HMCN1: variants seen among roughly 807,000 people sequenced by gnomAD.
HMCN1 encodes the protein hemicentin-1.
HMCN1 carries 321 observed loss-of-function variants against 625.9 expected under a neutral mutation model. The observed-to-expected ratio is 0.51, with a 90% CI of 0.47 to 0.56. HMCN1 has a LOEUF of 0.56. Among genes scored for constraint, HMCN1 ranks in the 20% least tolerant of loss-of-function variants. The pLI is 0.00. For missense variants in HMCN1, 6,588 were observed against 6,887.3 expected, an observed-to-expected ratio of 0.96 and a Z score of 1.54; for synonymous variants, 2,425 against 2,417.6, an observed-to-expected ratio of 1.00 and a Z score of -0.09.
chr1:185,770,049 G>C (rs1656133706), intron 1 of HMCN1, among the ~76,000 whole-genome samples: 1 of 152,044 alleles, frequency 6.6e-6, no homozygotes, highest in Admixed American at 6.6e-5. Context: ...CATTTCAGAG[G>C]GTATGCATAT....
intron 96 of HMCN1, 71 bp from the exon 97 acceptor site, chr1:186,153,679 T>G: frequency 8.1e-7 from 1 of 1,239,992 alleles, no homozygotes; most frequent in Non-Finnish European, 1.2e-6. Flanking sequence ...ATTCTGCATT[T>G]CATAGTCCCC....
chr1:185,801,345 C>T (rs1199270155), intron 1 of HMCN1, among the ~76,000 whole-genome samples: 1 of 152,146 alleles, frequency 6.6e-6, no homozygotes, highest in Non-Finnish European at 1.5e-5. Context: ...ATCCTTCTTC[C>T]ACTTATTTCA....
Position 185,865,852 on chromosome 1 carries a change from CA to C in HMCN1, c.612del (p.Val205LeufsTer5). On this transcript the variant is annotated frameshift_variant, in exon 4 of 107. Coordinates refer to ENST00000271588, the MANE Select transcript of HMCN1 (RefSeq NM_031935.3). LOFTEE classifies it high-confidence loss of function. ...SGQVFHLDKKQVNEVLKWVEE... is the reference protein window; with the variant it reads ...SGQVFHLDKKXVNEVLKWVEE... ...TCAAGTGTTCCATCTGGACAAAAAACAAGTTAATGAGGTCAGTTTAATAAAG... is the reference window on the plus strand; with the variant it reads ...TCAAGTGTTCCATCTGGACAAAAAACAGTTAATGAGGTCAGTTTAATAAAG... The C allele has an allele frequency of 1.9e-6, 3 of 1,613,078 alleles. No individual in the cohort carries two copies. Among genetic ancestry groups the C allele is most frequent in the Non-Finnish European group, 2.5e-6 (3 of 1,179,614 alleles).
chr1:186,076,545 C>A lies in HMCN1; in HGVS notation c.8408C>A (p.Ala2803Asp), dbSNP rs759376128. 6.2e-7 allele frequency: 1 copy of A among 1,613,642 alleles called. No individual in the cohort carries two copies. The highest frequency in any genetic ancestry group is 1.3e-5 in the African/African-American group (1 of 74,902). Reference protein sequence around the residue: ...NPISLYCETNAAPPPTLTWYK... With the variant: ...NPISLYCETNDAPPPTLTWYK... ...ATTTCTCTTTACTGTGAGACAAATG[C>A]TGCTCCCCCTCCTACACTGACATGG... is the stretch of plus-strand genomic sequence containing the variant. The change falls in exon 54 of 107, where the codon GCT becomes GAT. Residue 2803 changes from alanine (A) to aspartate (D), a missense_variant. Coordinates refer to ENST00000271588, the MANE Select transcript of HMCN1 (RefSeq NM_031935.3).
intron 4 of HMCN1, among the ~76,000 whole-genome samples, chr1:185,870,540 TA>T (rs1334326522): frequency 6.6e-6 from 1 of 152,162 alleles, no homozygotes; most frequent in Admixed American, 6.5e-5. Flanking sequence ...ACCATTACAA[TA>T]AAAACATTTC....
In HMCN1 at chr1:186,088,724, A is replaced by G. The variant is rs757008419; in HGVS notation, c.9696A>G (p.Lys3232=). ...GTATTGCTTCAAATATGGAGGGAAA[A>G]GCCCAGAAATATTACTTTCTTTCAA... ...YTCIASNMEG[K]AQKYYFLSIQ... is the part of the protein sequence containing the mutation. The change falls in exon 63 of 107, where the codon AAA becomes AAG. Residue 3232 remains lysine (K), a synonymous_variant. Transcript: ENST00000271588. The G allele has an allele frequency of 1.2e-6, 2 of 1,610,284 alleles. No homozygotes were observed. The highest frequency in any genetic ancestry group is 1.3e-5 in the African/African-American group (1 of 74,806).
chr1:186,001,458 T>C, intron 27 of HMCN1, 30 bp downstream of exon 27: 1 of 1,610,484 alleles, frequency 6.2e-7, no homozygotes, highest in Non-Finnish European at 8.5e-7. Flanking sequence ...TACGTGTAAT[T>C]CCTTGCCTCT....
chr1:186,187,658 T>C (rs1337064826), intron 105 of HMCN1, among the ~76,000 whole-genome samples: 1 of 152,192 alleles, frequency 6.6e-6, no homozygotes, highest in African/African-American at 2.4e-5. Context: ...ATTTTTTTTA[T>C]GTCCTTTCAC....
At chr1:186,122,636 T>C (rs1023389931) in intron 80 of HMCN1, among the ~76,000 whole-genome samples, 1 of 152,238 alleles carries the variant, frequency 6.6e-6, no homozygotes, top group African/African-American at 2.4e-5. Context: ...ATAATTTATG[T>C]AAGTTAAAGA....
At chr1:185,876,521 C>T (rs910109395) in intron 4 of HMCN1, among the ~76,000 whole-genome samples, 4 of 152,032 alleles carry the variant, frequency 2.6e-5, no homozygotes, top group African/African-American at 7.2e-5. Flanking sequence ...AATTTACATT[C>T]CCACAAACAG....
chr1:185,854,676 A>G (rs1662355572), intron 2 of HMCN1, among the ~76,000 whole-genome samples: 1 of 152,238 alleles, frequency 6.6e-6, no homozygotes, highest in South Asian at 2.1e-4. Context: ...TATTTGCTCT[A>G]TCATATATGT....
At chr1:186,159,397 T>A (rs1651274338) in intron 97 of HMCN1, among the ~76,000 whole-genome samples, 1 of 152,142 alleles carries the variant, frequency 6.6e-6, no homozygotes, top group Admixed American at 6.5e-5. Context: ...TTTTCCTAAT[T>A]GAATGCCCTT....
chr1:186,052,046 T>C (rs1357829284), intron 42 of HMCN1, among the ~76,000 whole-genome samples: 1 of 151,934 alleles, frequency 6.6e-6, no homozygotes, highest in Non-Finnish European at 1.5e-5. Context: ...GCTGGGTTCA[T>C]ACAGAATGAT....
chr1:186,182,907 A>G (rs1316035685), intron 105 of HMCN1, among the ~76,000 whole-genome samples: 1 of 152,222 alleles, frequency 6.6e-6, no homozygotes, highest in African/African-American at 2.4e-5. Context: ...TGGGCAAGAT[A>G]TAGCAATGAC....
Position 185,933,842 on chromosome 1 carries a change from C to CATT in HMCN1, c.1828+18_1828+19insATT. ...AGTGCAAGGTACAGTGCTTTGGTAA[C>CATT]TTCTGAATTATGACATCTTTCTGTC... On this transcript the variant is annotated intron_variant, in intron 11 of 106. Coordinates refer to ENST00000271588, the MANE Select transcript of HMCN1 (RefSeq NM_031935.3). 6.2e-7 allele frequency: 1 copy of CATT among 1,611,008 alleles called. No homozygotes were observed.
rs150020139 is a variant in HMCN1 at position 186,091,489 on chromosome 1, C to T, written c.9887+572C>T. ...ACCACATAGAGATGGGCATGCTATC[C>T]TGATTGGCTCATTTTGAGAAAAGAT... On this transcript the variant is annotated intron_variant, in intron 64 of 106. Transcript: ENST00000271588. Among the ~76,000 whole-genome samples the T allele has an allele frequency of 4.2e-3, 642 of 151,928 alleles. 1 individual carries two copies. Among genetic ancestry groups the T allele is most frequent in the African/African-American group, 0.014 (600 of 41,488 alleles).
intron 1 of HMCN1, 83 bp from the exon 2 acceptor site, chr1:185,845,943 G>C: frequency 1.2e-6 from 1 of 852,666 alleles, no homozygotes; most frequent in Non-Finnish European, 2.0e-6. Context: ...GTACTGCAAG[G>C]TGAAAAGACA....
At chr1:185,778,592 G>A (rs1211460526) in intron 1 of HMCN1, among the ~76,000 whole-genome samples, 12 of 149,696 alleles carry the variant, frequency 8.0e-5, no homozygotes, top group Non-Finnish European at 1.0e-4. Flanking sequence ...GAGAATATGC[G>A]GTGTTTGGTT....
At chr1:185,848,358 C>T (rs1182605239) in intron 2 of HMCN1, among the ~76,000 whole-genome samples, 3 of 152,100 alleles carry the variant, frequency 2.0e-5, no homozygotes, top group African/African-American at 7.2e-5. Context: ...GACTCTCCCT[C>T]CTGCTTGACA....
Sources: allele counts gnomAD v4.1 joint callset (sites outside exome capture counted in the v4.1 genomes callset), GRCh38; gene constraint gnomAD v4.1.1; transcripts MANE v1.5; gene names NCBI Gene and HGNC (gene_info 2026-07-23, HGNC 2026-07-21).